The following QKI variants were observed in gnomAD, a reference collection of about 807,000 sequenced individuals.
QKI encodes QKI, KH domain containing RNA binding.
In QKI, 10 loss-of-function variants were observed where a neutral mutation model predicts 39.0. That is an observed-to-expected ratio of 0.26 (90% CI 0.16 to 0.43). The LOEUF (loss-of-function observed/expected upper bound fraction) is 0.43. Ranked by LOEUF, QKI falls within the 20% of genes least tolerant of loss-of-function variation. QKI has a pLI of 1.00. For missense variants in QKI, 218 were observed against 428.0 expected (o/e 0.51, Z 4.33); for synonymous variants, 204 against 155.4 (o/e 1.31, Z -2.33).
At chr6:163,478,752 T>C (rs1486286837) in intron 2 of QKI, 28 bp from the exon 3 acceptor site, 2 of 1,444,308 alleles carry the variant, frequency 1.4e-6, no homozygotes, top group East Asian at 4.6e-5. Flanking sequence ...GTGAATAATG[T>C]ATAGTGATCC....
chr6:163,565,315 G>A (rs1183877144), intron 6 of QKI: 14 of 986,368 alleles, frequency 1.4e-5, no homozygotes, highest in Non-Finnish European at 1.6e-5. Context: ...CTGTTCCCGA[G>A]GAGTTATGAC....
At chr6:163,560,540 C>T (rs1583223134) in intron 4 of QKI, among the ~76,000 whole-genome samples, 2 of 152,014 alleles carry the variant, frequency 1.3e-5, no homozygotes, top group East Asian at 3.9e-4. Flanking sequence ...AGAGAGTGCG[C>T]AGGGGAGCAC....
intron 3 of QKI, among the ~76,000 whole-genome samples, chr6:163,505,891 C>T (rs1428975459): frequency 1.3e-5 from 2 of 152,066 alleles, no homozygotes; most frequent in Non-Finnish European, 2.9e-5. Flanking sequence ...TGGATTGGCT[C>T]TGTGTCTCCA....
At chr6:163,468,458 TTTAA>T (rs879901785) in intron 2 of QKI, among the ~76,000 whole-genome samples, 78 of 152,312 alleles carry the variant, frequency 5.1e-4, no homozygotes, top group Admixed American at 4.1e-3. Context: ...GGAGTTTATC[TTTAA>T]TTAGGGAATT....
chr6:163,479,662 G>A (rs145149459), intron 3 of QKI, among the ~76,000 whole-genome samples: 107 of 152,332 alleles, frequency 7.0e-4, no homozygotes, highest in African/African-American at 2.4e-3. Context: ...GAGCCACCAC[G>A]CCTGGCGGTT....
chr6:163,514,789 A>AAAAACTCAACCAC, intron 3 of QKI, among the ~76,000 whole-genome samples: 2 of 152,330 alleles, frequency 1.3e-5, no homozygotes, highest in South Asian at 4.1e-4. Flanking sequence ...ATGAAGAGCA[A>AAAAACTCAACCAC]AAAACTCAAC....
At chr6:163,464,062 C>T (rs1402759052) in intron 2 of QKI, among the ~76,000 whole-genome samples, 1 of 152,156 alleles carries the variant, frequency 6.6e-6, no homozygotes, top group African/African-American at 2.4e-5. Flanking sequence ...AGTTGTTTCC[C>T]CTTAGAGTAC....
intron 1 of QKI, among the ~76,000 whole-genome samples, chr6:163,435,690 A>G (rs1344863840): frequency 2.0e-5 from 3 of 152,192 alleles, no homozygotes; most frequent in African/African-American, 4.8e-5. Flanking sequence ...GATATGCCTA[A>G]TGAAATCCAT....
chr6:163,445,911 A>G (rs1446789083), intron 1 of QKI, among the ~76,000 whole-genome samples: 1 of 151,964 alleles, frequency 6.6e-6, no homozygotes, highest in East Asian at 1.9e-4. Context: ...ATCGAGCCCG[A>G]CCGTTGTGGG....
intron 1 of QKI, among the ~76,000 whole-genome samples, chr6:163,415,623 C>T (rs1201253157): frequency 6.6e-6 from 1 of 151,754 alleles, no homozygotes; most frequent in Non-Finnish European, 1.5e-5. Flanking sequence ...CCCTGCGGCC[C>T]CTCTAGCTTC....
intron 1 of QKI, among the ~76,000 whole-genome samples, chr6:163,425,995 A>G (rs1288707547): frequency 6.6e-6 from 1 of 152,204 alleles, no homozygotes; most frequent in East Asian, 1.9e-4. Flanking sequence ...TAAATGAGAG[A>G]TATCTTGACA....
At chr6:163,522,157 C>G (rs993297876) in intron 3 of QKI, among the ~76,000 whole-genome samples, 1 of 152,110 alleles carries the variant, frequency 6.6e-6, no homozygotes, top group Non-Finnish European at 1.5e-5. Flanking sequence ...AAATAGTTAA[C>G]ATTTTGTCAT....
intron 1 of QKI, among the ~76,000 whole-genome samples, chr6:163,416,155 C>T (rs1307191235): frequency 6.6e-6 from 1 of 151,628 alleles, no homozygotes; most frequent in Non-Finnish European, 1.5e-5. Flanking sequence ...GGGACGCAGC[C>T]GCCTGAGTTT....
At chr6:163,531,351 T>C (rs12111344) in intron 3 of QKI, among the ~76,000 whole-genome samples, 5,831 of 152,220 alleles carry the variant, frequency 0.038, 390 homozygotes, top group African/African-American at 0.13. Context: ...GAGCAAGTGT[T>C]TTACTTCCTT....
chr6:163,522,328 G>A (rs921817965), intron 3 of QKI, among the ~76,000 whole-genome samples: 1 of 152,122 alleles, frequency 6.6e-6, no homozygotes, highest in Non-Finnish European at 1.5e-5. Flanking sequence ...CTCACAGGGT[G>A]TAGTAGAAAC....
intron 3 of QKI, among the ~76,000 whole-genome samples, chr6:163,479,517 G>A (rs1441037833): frequency 1.3e-5 from 2 of 150,560 alleles, no homozygotes; most frequent in Admixed American, 6.6e-5. Context: ...GATTACAGGC[G>A]CACGCCGCCA....
At chr6:163,506,745 G>A (rs1226736194) in intron 3 of QKI, among the ~76,000 whole-genome samples, 3 of 152,090 alleles carry the variant, frequency 2.0e-5, no homozygotes, top group African/African-American at 7.2e-5. Flanking sequence ...ACTTAGGAAT[G>A]CTTACCATGA....
chr6:163,451,712 G>A (rs1332035967), intron 1 of QKI, among the ~76,000 whole-genome samples: 1 of 152,136 alleles, frequency 6.6e-6, no homozygotes, highest in Non-Finnish European at 1.5e-5. Flanking sequence ...CAACTGCTGC[G>A]GGTTGTTGAA....
intron 7 of QKI, chr6:163,569,529 T>G: frequency 8.1e-7 from 1 of 1,231,576 alleles, no homozygotes; most frequent in Middle Eastern, 2.3e-4. Flanking sequence ...ATTATACTAC[T>G]GTTAAGTGGA....
Sources: gnomAD v4.1 joint callset for allele counts (sites outside exome capture counted in the v4.1 genomes callset) on GRCh38, gnomAD v4.1.1 for gene constraint, MANE v1.5 for transcripts, NCBI Gene and HGNC (gene_info 2026-07-23, HGNC 2026-07-21) for gene names.